The following VANGL1 variants were observed in gnomAD, a reference collection of about 807,000 sequenced individuals.
The protein encoded by VANGL1 is VANGL planar cell polarity protein 1, also known as vang-like protein 1.
VANGL1 carries 18 observed loss-of-function variants against 48.4 expected under a neutral mutation model. The observed-to-expected ratio is 0.37, with a 90% CI of 0.26 to 0.55. VANGL1 has a LOEUF of 0.55. Among genes scored for constraint, VANGL1 ranks in the 20% least tolerant of loss-of-function variants. The pLI, the probability that VANGL1 is intolerant of heterozygous loss-of-function variation, is 0.81. For synonymous variants in VANGL1, 257 were observed against 261.8 expected, an observed-to-expected ratio of 0.98 and a Z score of 0.18; for missense variants, 667 against 675.8, an observed-to-expected ratio of 0.99 and a Z score of 0.14.
chr1:115,650,142 T>A (rs1225636235), intron 1 of VANGL1, among the ~76,000 whole-genome samples: 1 of 152,186 alleles, frequency 6.6e-6, no homozygotes, highest in Non-Finnish European at 1.5e-5. Context: ...CAGACTTATG[T>A]GTTGTTGCTG....
At chr1:115,671,933 A>G (rs1652991378) in intron 4 of VANGL1, among the ~76,000 whole-genome samples, 1 of 152,182 alleles carries the variant, frequency 6.6e-6, no homozygotes, top group African/African-American at 2.4e-5. Flanking sequence ...GTGTCTCTGC[A>G]CTCAGAACTG....
intron 4 of VANGL1, chr1:115,671,221 C>G (rs1308385792): frequency 6.6e-6 from 1 of 152,434 alleles, no homozygotes; most frequent in Non-Finnish European, 1.5e-5. Context: ...GAATGCTGTG[C>G]TGTTGGTTTC....
Position 115,693,781 on chromosome 1 carries a change from A to C in VANGL1, c.*2402A>C, listed in dbSNP as rs2101044096. 1 of 152,358 alleles carries C rather than the reference A, an allele frequency of 6.6e-6. No homozygotes were observed. Among genetic ancestry groups the C allele is most frequent in the East Asian group, 1.9e-4 (1 of 5,190 alleles). 9.4% of individuals were successfully genotyped at this position (152,358 alleles called of 1,614,324 possible). On this transcript the variant is annotated 3_prime_UTR_variant, in exon 8 of 8. Coordinates refer to ENST00000355485, the MANE Select transcript of VANGL1 (RefSeq NM_138959.3). ...ATTTAAAAGATTTAAGGTTTCAGAA[A>C]GCTGCATCCCACAATTGAACACAAT...
At chr1:115,656,533 GT>G (rs1040628282) in intron 2 of VANGL1, among the ~76,000 whole-genome samples, 7 of 152,214 alleles carry the variant, frequency 4.6e-5, no homozygotes, top group Non-Finnish European at 8.8e-5. Context: ...TTTCTGTGCA[GT>G]TTTTTAAGTT....
intron 2 of VANGL1, among the ~76,000 whole-genome samples, chr1:115,654,603 A>G (rs977011835): frequency 1.3e-5 from 2 of 151,838 alleles, no homozygotes; most frequent in African/African-American, 2.4e-5. Context: ...GTGTGATTCA[A>G]TTCTTATGGC....
intron 7 of VANGL1, among the ~76,000 whole-genome samples, chr1:115,685,789 T>A (rs1054496926): frequency 3.9e-5 from 6 of 152,106 alleles, no homozygotes; most frequent in African/African-American, 1.4e-4. Context: ...GGAGACAGTA[T>A]GGAATAGTGA....
rs1173169714 is a variant in VANGL1, at chr1:115,697,127, A to T, written c.*5748A>T. 1 of 152,118 alleles carries T rather than the reference A, an allele frequency of 6.6e-6. No individual in the cohort carries two copies. The highest frequency in any genetic ancestry group is 1.5e-5 in the Non-Finnish European group (1 of 68,026). The allele number at this position is 152,118 out of a possible 1,614,324, so 9.4% of individuals were successfully genotyped here. ...GCCTAAGAAAGCTTCATCTGTGGGG[A>T]CCAGAGACTTGTTGCTCAGGGAGTT... On this transcript the variant is annotated 3_prime_UTR_variant, in exon 8 of 8. Coordinates refer to ENST00000355485, the MANE Select transcript of VANGL1 (RefSeq NM_138959.3).
chr1:115,683,084 T>TA (rs146091399), intron 5 of VANGL1, among the ~76,000 whole-genome samples: 9,970 of 152,294 alleles, frequency 0.065, 357 homozygotes, highest in East Asian at 0.13. Flanking sequence ...GAGAGGATTA[T>TA]ATTTTCAACA....
intron 5 of VANGL1, 81 bp downstream of exon 5, chr1:115,682,578 C>T (rs1013561360): frequency 9.3e-6 from 15 of 1,604,326 alleles, no homozygotes; most frequent in African/African-American, 5.4e-5. Flanking sequence ...ACGTTTGGTT[C>T]GACTTCTTCT....
At chr1:115,679,461 A>G (rs757190956) in intron 4 of VANGL1, among the ~76,000 whole-genome samples, 1 of 152,158 alleles carries the variant, frequency 6.6e-6, no homozygotes, top group Non-Finnish European at 1.5e-5. Context: ...GACTTGGCTT[A>G]TTTGGAGAGC....
intron 4 of VANGL1, among the ~76,000 whole-genome samples, chr1:115,676,463 C>T (rs188510606): frequency 4.6e-5 from 7 of 152,254 alleles, no homozygotes; most frequent in Admixed American, 3.3e-4. Context: ...TCAAGTTGGC[C>T]GCTTCAACAT....
rs541431101 is a variant in VANGL1 at position 115,663,657 on chromosome 1, C to T, written c.205-4C>T. On this transcript the variant is annotated splice_region_variant and splice_polypyrimidine_tract_variant and intron_variant, in intron 3 of 7. Coordinates refer to ENST00000355485, the MANE Select transcript of VANGL1 (RefSeq NM_138959.3). Reference sequence around the variant, plus strand: ...TGTCATCCTCACTGTCTTCTCCCCACCAGGATGACAACTGGGGAGAGACCA... The same window carrying T: ...TGTCATCCTCACTGTCTTCTCCCCATCAGGATGACAACTGGGGAGAGACCA... The T allele has an allele frequency of 2.3e-4, 375 of 1,614,162 alleles. 6 individuals are homozygous for T. The South Asian group carries it at 3.7e-3, about 16-fold the overall frequency.
intron 4 of VANGL1, among the ~76,000 whole-genome samples, chr1:115,673,280 C>T (rs1360852654): frequency 3.9e-5 from 6 of 152,184 alleles, no homozygotes; most frequent in East Asian, 1.9e-4. Context: ...CCAGCTTTGC[C>T]GCTTACCTGC....
chr1:115,674,034 C>A (rs763997741), intron 4 of VANGL1, among the ~76,000 whole-genome samples: 8 of 152,216 alleles, frequency 5.3e-5, no homozygotes, highest in Non-Finnish European at 8.8e-5. Context: ...CTATTTGCCA[C>A]TACGGGTTTC....
chr1:115,683,566 G>A (rs549925161), intron 5 of VANGL1, among the ~76,000 whole-genome samples: 16 of 152,198 alleles, frequency 1.1e-4, no homozygotes, highest in Non-Finnish European at 2.1e-4. Flanking sequence ...TCATTGTCTT[G>A]CTGAAATTTG....
intron 4 of VANGL1, among the ~76,000 whole-genome samples, chr1:115,669,086 T>G (rs1652887547): frequency 6.6e-6 from 1 of 152,204 alleles, no homozygotes; most frequent in Non-Finnish European, 1.5e-5. Context: ...AATTATTGAT[T>G]TCTACATCTT....
chr1:115,664,138 G>T lies in VANGL1; in HGVS notation c.682G>T (p.Asp228Tyr). 3 of 1,614,172 alleles carry T rather than the reference G, an allele frequency of 1.9e-6. No homozygotes were observed. Among genetic ancestry groups the T allele is most frequent in the Non-Finnish European group, 2.5e-6 (3 of 1,180,030 alleles). ...TGTGCAATATGCAGTCTCCCTTGTG[G>T]ATGCCCTCCTCTTCATCCATTACCT... ...GIVQYAVSLV[D>Y]ALLFIHYLAI... The change falls in exon 4 of 8, where the codon GAT (aspartate) becomes TAT (tyrosine). Residue 228 changes from aspartate (D) to tyrosine (Y), a missense_variant. Coordinates refer to ENST00000355485, the MANE Select transcript of VANGL1 (RefSeq NM_138959.3).
rs1034371650 is a variant in VANGL1 at position 115,693,005 on chromosome 1, A to C, written c.*1626A>C. 3 of 152,212 alleles carry C rather than the reference A, an allele frequency of 2.0e-5. No individual in the cohort carries two copies. The highest frequency in any genetic ancestry group is 7.2e-5 in the African/African-American group (3 of 41,452). The allele number at this position is 152,212 out of a possible 1,614,324, so 9.4% of individuals were successfully genotyped here. A position where few individuals can be genotyped will look rare whatever the true frequency, so the allele number is the denominator to read the frequency against. On this transcript the variant is annotated 3_prime_UTR_variant, in exon 8 of 8. Coordinates refer to ENST00000355485, the MANE Select transcript of VANGL1 (RefSeq NM_138959.3). The stretch of plus-strand genomic sequence containing the variant: ...TATTTTGTGTCATTGTAAAAATCAA[A>C]ATTGGCTTTGGATCTTTGTAATACA...
chr1:115,642,643 A>C (rs980105037), intron 1 of VANGL1: 18 of 152,162 alleles, frequency 1.2e-4, no homozygotes, highest in Admixed American at 1.2e-3. Context: ...CTCACAAAAA[A>C]TTGAGCCGGC....
Sources: gnomAD v4.1 joint callset for allele counts (sites outside exome capture counted in the v4.1 genomes callset) on GRCh38, gnomAD v4.1.1 for gene constraint, MANE v1.5 for transcripts, NCBI Gene and HGNC (gene_info 2026-07-23, HGNC 2026-07-21) for gene names.